The following EGF variants were observed in gnomAD, a reference collection of about 807,000 sequenced individuals.
EGF encodes epidermal growth factor.
EGF carries 95 observed loss-of-function variants against 143.8 expected under a neutral mutation model. That is an observed-to-expected ratio of 0.66 (90% CI 0.56 to 0.78). The LOEUF is 0.78. Ranked by LOEUF, EGF falls within the 30% of genes least tolerant of loss-of-function variation. The pLI, the probability that EGF is intolerant of heterozygous loss-of-function variation, is 0.00. For synonymous variants in EGF, 510 were observed against 510.5 expected (o/e 1.00, Z 0.01); for missense variants, 1,320 against 1,470.9 (o/e 0.90, Z 1.68).
chr4:109,994,671 A>G, intron 19 of EGF, 62 bp from the exon 20 acceptor site: 1 of 1,570,462 alleles, frequency 6.4e-7, no homozygotes. Flanking sequence ...AGTTCCTCAT[A>G]TTGATACTTG....
intron 1 of EGF, 79 bp from the exon 2 acceptor site, chr4:109,940,863 TGTTG>T: frequency 1.5e-6 from 2 of 1,312,340 alleles, no homozygotes; most frequent in African/African-American, 1.5e-5. Context: ...TTTCTGCTTG[TGTTG>T]GTTGTCATTG....
At chr4:109,944,774 G>A (rs1742552940) in intron 4 of EGF, among the ~76,000 whole-genome samples, 1 of 152,144 alleles carries the variant, frequency 6.6e-6, no homozygotes. Context: ...TGAAATTGAT[G>A]TCACTAGAAA....
chr4:109,976,477 A>T (rs1748523145), intron 13 of EGF, among the ~76,000 whole-genome samples: 1 of 152,246 alleles, frequency 6.6e-6, no homozygotes, highest in South Asian at 2.1e-4. Flanking sequence ...TGAAAATATT[A>T]AAATTTTCTA....
At position 110,008,382 on chromosome 4, in the gene EGF, G is replaced by A. The variant is rs11569124; in HGVS notation, c.3370+152G>A. ...GTGAATAGCTGGGCTGTATTGAAATGCCATGGACCTGATTTGCACTGGAGT... is the reference window on the plus strand; with the variant it reads ...GTGAATAGCTGGGCTGTATTGAAATACCATGGACCTGATTTGCACTGGAGT... On this transcript the variant is annotated intron_variant, in intron 23 of 23. Coordinates refer to ENST00000265171, the MANE Select transcript of EGF (RefSeq NM_001963.6). 7.3e-3 allele frequency: 7,162 copies of A among 986,170 alleles called. 314 individuals carry two copies. In the African/African-American group the frequency reaches 0.093, roughly 13 times the overall value. 61.1% of individuals were successfully genotyped at this position (986,170 alleles called of 1,614,324 possible).
chr4:109,966,523 T>C (rs1171905265), intron 10 of EGF, among the ~76,000 whole-genome samples: 1 of 152,150 alleles, frequency 6.6e-6, no homozygotes, highest in Non-Finnish European at 1.5e-5. Flanking sequence ...GGTGTCTTTT[T>C]GATATAATAC....
intron 1 of EGF, among the ~76,000 whole-genome samples, chr4:109,923,113 TA>T (rs1218022357): frequency 6.6e-6 from 1 of 151,654 alleles, no homozygotes; most frequent in Admixed American, 6.5e-5. Context: ...TTATTTTTTT[TA>T]AATAGTTAAT....
chr4:109,986,351 C>T (rs1341750525), intron 16 of EGF, among the ~76,000 whole-genome samples: 1 of 152,220 alleles, frequency 6.6e-6, no homozygotes, highest in African/African-American at 2.4e-5. Context: ...GGGAGCTAGT[C>T]TTCCAAATAA....
chr4:109,920,845 A>C (rs1224680451), intron 1 of EGF, among the ~76,000 whole-genome samples: 1 of 151,652 alleles, frequency 6.6e-6, no homozygotes, highest in African/African-American at 2.4e-5. Context: ...CCATGAAGGA[A>C]GTATTGCCTA....
chr4:109,987,842 G>C lies in EGF; in HGVS notation c.2590G>C (p.Asp864His). The part of the protein sequence containing the change: ...TCQCLKGFAG[D>H]GKLCSDIDEC... ...TCAGTGTTTGAAAGGATTTGCTGGGGATGGAAAACTATGTTCTGGTAAGAG... is the reference window on the plus strand; with the variant it reads ...TCAGTGTTTGAAAGGATTTGCTGGGCATGGAAAACTATGTTCTGGTAAGAG... Residue 864 changes from aspartate (D) to histidine (H), a missense_variant, in exon 17 of 24, where the codon GAT becomes CAT. Transcript: ENST00000265171. 1 of 1,613,666 alleles carries C rather than the reference G, an allele frequency of 6.2e-7. No individual in the cohort carries two copies. Among genetic ancestry groups the C allele is most frequent in the Non-Finnish European group, 8.5e-7 (1 of 1,179,640 alleles).
chr4:109,961,406 C>A (rs1182446186), intron 7 of EGF, among the ~76,000 whole-genome samples: 1 of 152,094 alleles, frequency 6.6e-6, no homozygotes, highest in Non-Finnish European at 1.5e-5. Context: ...CCAGACCTAT[C>A]AAATCAGAAC....
At chr4:109,959,551 C>A in intron 6 of EGF, 114 bp downstream of exon 6, 2 of 1,547,520 alleles carry the variant, frequency 1.3e-6, no homozygotes, top group Non-Finnish European at 1.8e-6. Context: ...CAGTGGAAAA[C>A]CAACTTCAAG....
chr4:109,941,245 C>T, intron 2 of EGF, 100 bp downstream of exon 2: 1 of 1,102,788 alleles, frequency 9.1e-7, no homozygotes. Context: ...AATTATATAA[C>T]AGTTCAAATG....
chr4:109,949,144 GCAACCTCCGCCT>G (rs1366651268), intron 5 of EGF, among the ~76,000 whole-genome samples: 1 of 151,986 alleles, frequency 6.6e-6, no homozygotes, highest in African/African-American at 2.4e-5. Context: ...TCAGCTCACT[GCAACCTCCGCCT>G]CCTGGGTTTT....
intron 1 of EGF, among the ~76,000 whole-genome samples, chr4:109,913,862 C>T (rs1344956388): frequency 6.6e-6 from 1 of 152,148 alleles, no homozygotes; most frequent in Non-Finnish European, 1.5e-5. Context: ...AAAATCCTTC[C>T]TTCTGATAAC....
At chr4:110,001,771 T>C in intron 21 of EGF, 2 of 985,432 alleles carry the variant, frequency 2.0e-6, no homozygotes, top group Non-Finnish European at 2.4e-6. Context: ...CAGACTCTCA[T>C]ACTCCAAAAA....
chr4:109,951,349 C>A (rs1307740964), intron 5 of EGF, among the ~76,000 whole-genome samples: 1 of 151,918 alleles, frequency 6.6e-6, no homozygotes, highest in South Asian at 2.1e-4. Flanking sequence ...CAGAGCAAGA[C>A]TCCGTCTCAA....
intron 1 of EGF, among the ~76,000 whole-genome samples, chr4:109,920,376 G>A (rs1047310000): frequency 1.3e-5 from 2 of 151,610 alleles, no homozygotes; most frequent in South Asian, 2.1e-4. Context: ...CTGCATTGGA[G>A]AGCGTTTTCA....
rs148427152 is a variant in EGF at position 109,962,580 on chromosome 4, T to C, written c.1313-593T>C. Reference sequence around the variant, plus strand: ...CCAAACTCATCAAATGGATTTTTCATTCTAGACAGCTGCCAGTGCACTTGC... The same window carrying C: ...CCAAACTCATCAAATGGATTTTTCACTCTAGACAGCTGCCAGTGCACTTGC... On this transcript the variant is annotated intron_variant, in intron 8 of 23. Transcript: ENST00000265171. 7.9e-5 allele frequency among the ~76,000 whole-genome samples: 12 copies of C among 152,270 alleles called. 1 individual carries two copies. In the East Asian group the frequency reaches 2.3e-3, roughly 29 times the overall value.
chr4:109,957,054 C>T (rs772695664), intron 5 of EGF, among the ~76,000 whole-genome samples: 25 of 152,072 alleles, frequency 1.6e-4, no homozygotes, highest in Non-Finnish European at 4.4e-5. Context: ...GCATACTCTC[C>T]GGTTATCTCA....
Sources: allele counts gnomAD v4.1 joint callset (sites outside exome capture counted in the v4.1 genomes callset), GRCh38; gene constraint gnomAD v4.1.1; transcripts MANE v1.5; gene names NCBI Gene and HGNC (gene_info 2026-07-23, HGNC 2026-07-21).